Variants in NAV2 observed in about 807,000 individuals in gnomAD.
NAV2 encodes helicase, APC down-regulated 1.
NAV2 carries 54 observed loss-of-function variants against 223.2 expected under a neutral mutation model. That is an observed-to-expected ratio of 0.24 (90% CI 0.19 to 0.30). NAV2 has a LOEUF of 0.30. NAV2 is among the 10% of genes least tolerant of loss of function. The pLI is 1.00. For synonymous variants in NAV2, 1,279 were observed against 1,239.3 expected (o/e 1.03, Z -0.67); for missense variants, 2,806 against 3,147.5 (o/e 0.89, Z 2.60).
At chr11:19,979,944 A>G (rs2050153154) in intron 10 of NAV2, among the ~76,000 whole-genome samples, 1 of 152,222 alleles carries the variant, frequency 6.6e-6, no homozygotes, top group South Asian at 2.1e-4. Flanking sequence ...ATAACACTTG[A>G]TAAGATTATT....
chr11:19,935,851 G>GTTTTTTGTTTTTTTT (rs2045809720), intron 7 of NAV2, among the ~76,000 whole-genome samples: 1 of 52,704 alleles, frequency 1.9e-5, no homozygotes, highest in Non-Finnish European at 3.4e-5. Context: ...TTTTGTTTCT[G>GTTTTTTGTTTTTTTT]TTTTTTTTTT....
At chr11:19,679,439 A>G (rs1271532131) in intron 1 of NAV2, among the ~76,000 whole-genome samples, 1 of 148,596 alleles carries the variant, frequency 6.7e-6, no homozygotes, top group African/African-American at 2.4e-5. Flanking sequence ...TCAAAAAAAC[A>G]CAAAAAGATT....
rs1365488767 is a variant in NAV2 at position 19,923,453 on chromosome 11, C to A, written c.932-9723C>A. 2.0e-5 allele frequency among the ~76,000 whole-genome samples: 3 copies of A among 152,072 alleles called. 1 individual carries two copies. The highest frequency in any genetic ancestry group is 4.1e-4 in the South Asian group (2 of 4,824). On this transcript the variant is annotated intron_variant, in intron 6 of 37. Transcript: ENST00000349880. ...TTCCAAACTTACCTGACCATAGAAT[C>A]TCTTCTTTCTTTTACTGTCTATTTA...
At chr11:19,869,234 A>T (rs139781557) in intron 4 of NAV2, among the ~76,000 whole-genome samples, 87 of 152,294 alleles carry the variant, frequency 5.7e-4, no homozygotes, top group African/African-American at 1.9e-3. Context: ...AGTGAAGGGG[A>T]AGCTGTCCTA....
At chr11:19,556,455 TG>T (rs1455629969) in intron 1 of NAV2, among the ~76,000 whole-genome samples, 1 of 152,218 alleles carries the variant, frequency 6.6e-6, no homozygotes, top group East Asian at 1.9e-4. Context: ...CTCATGGGCT[TG>T]GCTGGAGGAA....
At chr11:20,039,039 C>T (rs1455485329) in intron 12 of NAV2, among the ~76,000 whole-genome samples, 1 of 152,192 alleles carries the variant, frequency 6.6e-6, no homozygotes, top group African/African-American at 2.4e-5. Context: ...TGTCCAGCAT[C>T]AGCTCCTGTG....
chr11:19,426,719 G>A (rs1005025929), intron 1 of NAV2, among the ~76,000 whole-genome samples: 7 of 151,956 alleles, frequency 4.6e-5, no homozygotes, highest in Non-Finnish European at 8.8e-5. Flanking sequence ...GTTGGGGGGC[G>A]GGGTTGTCAT....
chr11:19,537,266 A>G (rs1235145851), intron 1 of NAV2, among the ~76,000 whole-genome samples: 1 of 149,262 alleles, frequency 6.7e-6, no homozygotes, highest in East Asian at 1.9e-4. Flanking sequence ...AATAACAACA[A>G]CTAATAACAA....
At chr11:19,444,512 G>A (rs1377381279) in intron 1 of NAV2, among the ~76,000 whole-genome samples, 2 of 152,058 alleles carry the variant, frequency 1.3e-5, no homozygotes, top group Non-Finnish European at 2.9e-5. Flanking sequence ...TGAAGATGGT[G>A]CAGCAACCAT....
chr11:19,828,085 T>C (rs112748899), intron 1 of NAV2, among the ~76,000 whole-genome samples: 2 of 127,888 alleles, frequency 1.6e-5, no homozygotes, highest in Non-Finnish European at 3.4e-5. Flanking sequence ...CTGGCTGAGT[T>C]CGAAGCTGCA....
intron 1 of NAV2, among the ~76,000 whole-genome samples, chr11:19,380,185 C>G (rs189222883): frequency 6.6e-6 from 1 of 152,292 alleles, no homozygotes; most frequent in East Asian, 1.9e-4. Context: ...TATATCTTCT[C>G]TCTACTCTGG....
rs559415428 is a variant in NAV2 at position 20,076,989 on chromosome 11, C to G, written c.4984-563C>G. 2.0e-5 allele frequency among the ~76,000 whole-genome samples: 3 copies of G among 152,086 alleles called. No homozygotes were observed. The South Asian group carries it at 6.2e-4, about 32-fold the overall frequency. On this transcript the variant is annotated intron_variant, in intron 22 of 37. Coordinates refer to ENST00000349880, the MANE Select transcript of NAV2 (RefSeq NM_145117.5). ...GGCCTTTCAGTGGCTTTTTATTAAC[C>G]AGGATTATAACAAGCAAACTACGCC...
chr11:20,023,741 A>G (rs980104627), intron 11 of NAV2, among the ~76,000 whole-genome samples: 2 of 128,786 alleles, frequency 1.6e-5, no homozygotes, highest in Admixed American at 1.5e-4. Flanking sequence ...TGTGTAAACT[A>G]GGCTCCAGGA....
chr11:19,759,223 CAG>C (rs1339998996), intron 1 of NAV2, among the ~76,000 whole-genome samples: 1 of 149,426 alleles, frequency 6.7e-6, no homozygotes, highest in East Asian at 2.0e-4. Flanking sequence ...GCTGGGACAA[CAG>C]GGGCACGCCG....
intron 22 of NAV2, among the ~76,000 whole-genome samples, chr11:20,075,994 A>G (rs941759125): frequency 6.6e-6 from 1 of 151,850 alleles, no homozygotes; most frequent in Non-Finnish European, 1.5e-5. Context: ...TTCTCTTGTC[A>G]CTTTCTCATT....
chr11:20,095,535 C>G (rs1017758897), intron 29 of NAV2, 137 bp from the exon 30 acceptor site: 1 of 658,802 alleles, frequency 1.5e-6, no homozygotes, highest in African/African-American at 1.8e-5. Flanking sequence ...CTAAGTTATA[C>G]CTGGTTTTAA....
At chr11:19,764,468 C>T (rs1172806277) in intron 1 of NAV2, among the ~76,000 whole-genome samples, 1 of 152,128 alleles carries the variant, frequency 6.6e-6, no homozygotes, top group Non-Finnish European at 1.5e-5. Context: ...GGCATATTCC[C>T]AAGTAGACAC....
At chr11:19,657,552 G>A (rs2048161354) in intron 1 of NAV2, among the ~76,000 whole-genome samples, 1 of 152,092 alleles carries the variant, frequency 6.6e-6, no homozygotes, top group African/African-American at 2.4e-5. Flanking sequence ...CACCATGCTG[G>A]TGCTTCCCAC....
intron 1 of NAV2, among the ~76,000 whole-genome samples, chr11:19,540,747 C>A (rs2044317782): frequency 6.6e-6 from 1 of 152,168 alleles, no homozygotes; most frequent in African/African-American, 2.4e-5. Flanking sequence ...TTTAAAAGCT[C>A]TGGCCAGGCG....
Sources: gnomAD v4.1 joint callset for allele counts (sites outside exome capture counted in the v4.1 genomes callset) on GRCh38, gnomAD v4.1.1 for gene constraint, MANE v1.5 for transcripts, NCBI Gene and HGNC (gene_info 2026-07-23, HGNC 2026-07-21) for gene names.